The following RASIP1 variants were observed in gnomAD, a reference collection of about 807,000 sequenced individuals.
RASIP1 encodes the protein Ras interacting protein 1.
In RASIP1, 20 loss-of-function variants were observed where a neutral mutation model predicts 85.3. That is an observed-to-expected ratio of 0.23 (90% CI 0.17 to 0.34). RASIP1 has a LOEUF of 0.34. RASIP1 is among the 10% of genes least tolerant of loss of function. The probability of loss-of-function intolerance (pLI) is 1.00; values close to 1 mark genes in which losing one functional copy is unlikely to be tolerated. For missense variants in RASIP1, 1,170 were observed against 1,390.9 expected (o/e 0.84, Z 2.53); for synonymous variants, 617 against 647.1 (o/e 0.95, Z 0.71).
intron 4 of RASIP1, among the ~76,000 whole-genome samples, chr19:48,731,002 G>A (rs1032029947): frequency 6.6e-6 from 1 of 152,088 alleles, no homozygotes; most frequent in Non-Finnish European, 1.5e-5. Context: ...GGGCAACAGA[G>A]TGAGACTCAA....
chr19:48,720,665 CCGAAA>C lies in RASIP1; in HGVS notation c.*128_*132del. 4 of 1,025,074 alleles carry C rather than the reference CCGAAA, an allele frequency of 3.9e-6. No homozygotes were observed. Among genetic ancestry groups the C allele is most frequent in the Non-Finnish European group, 5.9e-6 (4 of 677,606 alleles). The allele number at this position is 1,025,074 out of a possible 1,614,324, so 63.5% of individuals were successfully genotyped here. A position where few individuals can be genotyped will look rare whatever the true frequency, so the allele number is the denominator to read the frequency against. On this transcript the variant is annotated 3_prime_UTR_variant, in exon 12 of 12. Transcript: ENST00000222145. ...CTCCCACCGTCCCATCCGCTACTTC[CCGAAA>C]ACTCAATCTCCCAACATTCCACGCG...
rs1253430615 is a variant in RASIP1 at position 48,724,037 on chromosome 19, G to T, written c.2544+300C>A. Among the ~76,000 whole-genome samples, 1 of 152,116 alleles carries T rather than the reference G, an allele frequency of 6.6e-6. No homozygotes were observed. Among genetic ancestry groups the T allele is most frequent in the African/African-American group, 2.4e-5 (1 of 41,422 alleles). ...TGGCCAGGCTGGTCTCAAACTCCTG[G>T]CCTCAAGTGATCCACCTACTTAGGC... On this transcript the variant is annotated intron_variant, in intron 10 of 11. Coordinates refer to ENST00000222145, the MANE Select transcript of RASIP1 (RefSeq NM_017805.3). This position sits in a 1 kb window ranked among gnomAD's most constrained non-coding sequence, Gnocchi z 4.6.
intron 3 of RASIP1, chr19:48,737,767 A>G (rs1413983012): frequency 1.0e-6 from 1 of 984,384 alleles, no homozygotes; most frequent in Admixed American, 6.2e-5. Context: ...GCGGGACCCA[A>G]CAGTTTTTGC....
chr19:48,726,819 C>T lies in RASIP1; in HGVS notation c.2093G>A (p.Cys698Tyr), dbSNP rs1231300769. 3.1e-6 allele frequency: 5 copies of T among 1,613,788 alleles called. No homozygotes were observed. The highest frequency in any genetic ancestry group is 4.2e-6 in the Non-Finnish European group (5 of 1,179,880). The part of the protein sequence containing the change: ...AMALLDEVIM[C>Y]TFQQSVYYLT... ...GTAGTAGACAGACTGCTGGAAGGTACACATGATGACCTCATCCAGGAGGGC... is the reference window on the plus strand; with the variant it reads ...GTAGTAGACAGACTGCTGGAAGGTATACATGATGACCTCATCCAGGAGGGC... Residue 698 changes from cysteine to tyrosine, a missense_variant, in exon 8 of 12, where the codon TGT becomes TAT. Cys to Tyr is a radical substitution (Grantham distance 194). Coordinates refer to ENST00000222145, the MANE Select transcript of RASIP1 (RefSeq NM_017805.3).
chr19:48,732,812 C>T (rs1459718778), intron 4 of RASIP1, among the ~76,000 whole-genome samples: 3 of 152,192 alleles, frequency 2.0e-5, no homozygotes, highest in Admixed American at 6.5e-5. Flanking sequence ...CTTACCTTCT[C>T]ACCCATATAC....
chr19:48,725,344 G>C (rs1340367901), intron 8 of RASIP1: 1 of 198,520 alleles, frequency 5.0e-6, no homozygotes, highest in Non-Finnish European at 1.0e-5. Flanking sequence ...TGGAAAATGA[G>C]ATCAGGCCAA....
intron 10 of RASIP1, among the ~76,000 whole-genome samples, chr19:48,723,852 G>A (rs936554895): frequency 7.2e-6 from 1 of 139,420 alleles, no homozygotes; most frequent in East Asian, 2.2e-4. Flanking sequence ...CTGTCGCCCC[G>A]GCTGGAGTGC....
intron 4 of RASIP1, among the ~76,000 whole-genome samples, chr19:48,731,691 T>C (rs1053598711): frequency 2.8e-4 from 42 of 152,214 alleles, no homozygotes; most frequent in African/African-American, 8.7e-4. Context: ...ATCCCCCTTC[T>C]ACACTAAATT....
At position 48,738,967 on chromosome 19, in the gene RASIP1, G is replaced by C. The variant is rs867521650; in HGVS notation, c.816C>G (p.Asp272Glu). The C allele has an allele frequency of 2.2e-5, 27 of 1,214,438 alleles. 1 individual carries two copies. The Middle Eastern group carries it at 2.3e-3, about 102-fold the overall frequency. 75.2% of individuals were successfully genotyped at this position (1,214,438 alleles called of 1,614,324 possible). ...RLEQEAFGAA[D>E]SEGTGAPSWR... is the part of the protein sequence containing the mutation. ...GCCCCGCCCGCCGCTCACCTTCGCT[G>C]TCCGCGGCCCCGAAGGCCTCCTGCT... is the stretch of plus-strand genomic sequence containing the variant. The change falls in exon 3 of 12, where the codon GAC (aspartate) becomes GAG (glutamate). Residue 272 changes from aspartate to glutamate, a missense_variant. Physicochemically the swap from Asp to Glu is conservative, Grantham distance 45. This residue lies in a region of RASIP1 where 301 missense variants were observed against 294.8 expected (regional missense o/e 1.02). Coordinates refer to ENST00000222145, the MANE Select transcript of RASIP1 (RefSeq NM_017805.3). The surrounding 1 kb of genome is among the most constrained non-coding windows in gnomAD (Gnocchi z 4.0).
At chr19:48,721,414 G>A (rs906811242) in intron 11 of RASIP1, among the ~76,000 whole-genome samples, 3 of 152,066 alleles carry the variant, frequency 2.0e-5, no homozygotes, top group Admixed American at 2.0e-4. Flanking sequence ...TCTTGACGGG[G>A]GAAGGGGCTG....
At position 48,724,990 on chromosome 19, in the gene RASIP1, A is replaced by G; in HGVS notation, c.2128-30T>C. 6.2e-7 allele frequency: 1 copy of G among 1,602,948 alleles called. No individual in the cohort carries two copies. On this transcript the variant is annotated intron_variant, in intron 8 of 11. Transcript: ENST00000222145. The surrounding 1 kb of genome is among the most constrained non-coding windows in gnomAD (Gnocchi z 4.6). ...GAAAATAGAGAAGTGGAAACAAGTGATTGGACTACAACTCCCAGGAAGCTT... is the reference window on the plus strand; with the variant it reads ...GAAAATAGAGAAGTGGAAACAAGTGGTTGGACTACAACTCCCAGGAAGCTT...
In RASIP1 at chr19:48,740,013, C is replaced by A; in HGVS notation, c.137+133G>T. 1.6e-6 allele frequency: 2 copies of A among 1,245,550 alleles called. No homozygotes were observed. The highest frequency in any genetic ancestry group is 3.2e-5 in the South Asian group (2 of 63,112). 77.2% of individuals were successfully genotyped at this position (1,245,550 alleles called of 1,614,324 possible). On this transcript the variant is annotated intron_variant, in intron 2 of 11. Transcript: ENST00000222145. This position sits in a 1 kb window ranked among gnomAD's most constrained non-coding sequence, Gnocchi z 5.5. Reference sequence around the variant, plus strand: ...TGGTATCACTGTGCCCCACCGTCTCCCCCTGCCCACCAGCTCGTTTGCCCA... The same window carrying A: ...TGGTATCACTGTGCCCCACCGTCTCACCCTGCCCACCAGCTCGTTTGCCCA...
chr19:48,720,680 C>T lies in RASIP1; in HGVS notation c.*118G>A. 2.5e-6 allele frequency: 3 copies of T among 1,184,068 alleles called. No individual in the cohort carries two copies. The highest frequency in any genetic ancestry group is 3.7e-6 in the Non-Finnish European group (3 of 816,134). 73.3% of individuals were successfully genotyped at this position (1,184,068 alleles called of 1,614,324 possible). ...CCGCTACTTCCCGAAAACTCAATCT[C>T]CCAACATTCCACGCGGGATAAGAAC... On this transcript the variant is annotated 3_prime_UTR_variant, in exon 12 of 12. Transcript: ENST00000222145.
rs781135835 is a variant in RASIP1, at chr19:48,735,202, G to A, written c.1173C>T (p.Asp391=). The A allele has an allele frequency of 4.4e-6, 7 of 1,607,480 alleles. No homozygotes were observed. The highest frequency in any genetic ancestry group is 6.0e-6 in the Non-Finnish European group (7 of 1,175,512). The change falls in exon 4 of 12, where the codon GAC becomes GAT. Residue 391 remains aspartate, a synonymous_variant. Coordinates refer to ENST00000222145, the MANE Select transcript of RASIP1 (RefSeq NM_017805.3). ...PYFLLLQGYQ[D]AQDFVVYVMT... ...GGGCTGGGGCGGCGGTTACCTGGGC[G>A]TCCTGGTAGCCCTGGAGCAGCAGGA...
At chr19:48,731,074 A>C (rs1448210473) in intron 4 of RASIP1, among the ~76,000 whole-genome samples, 1 of 152,150 alleles carries the variant, frequency 6.6e-6, no homozygotes, top group African/African-American at 2.4e-5. Context: ...AGGGAGTTCG[A>C]GACCAGCCTG....
Position 48,738,384 on chromosome 19 carries a change from T to G in RASIP1, c.823+576A>C, listed in dbSNP as rs2033609081. The G allele has an allele frequency of 6.6e-6, 1 of 152,262 alleles. No homozygotes were observed. The highest frequency in any genetic ancestry group is 6.5e-5 in the Admixed American group (1 of 15,278). 9.4% of individuals were successfully genotyped at this position (152,262 alleles called of 1,614,324 possible). A position where few individuals can be genotyped will look rare whatever the true frequency, so the allele number is the denominator to read the frequency against. On this transcript the variant is annotated intron_variant, in intron 3 of 11. Coordinates refer to ENST00000222145, the MANE Select transcript of RASIP1 (RefSeq NM_017805.3). This position sits in a 1 kb window ranked among gnomAD's most constrained non-coding sequence, Gnocchi z 4.0. The stretch of plus-strand genomic sequence containing the variant: ...CAGTTTAAGCCATTAAGCTGCAGGA[T>G]GTACACCTAACAGACCTCGCAGAAA...
intron 3 of RASIP1, among the ~76,000 whole-genome samples, chr19:48,736,187 G>A (rs1212820126): frequency 6.6e-6 from 1 of 151,062 alleles, no homozygotes; most frequent in Non-Finnish European, 1.5e-5. Flanking sequence ...AGGCTGAGGC[G>A]GGCGGATCAC....
At chr19:48,732,361 T>G (rs1316463363) in intron 4 of RASIP1, among the ~76,000 whole-genome samples, 1 of 151,794 alleles carries the variant, frequency 6.6e-6, no homozygotes, top group African/African-American at 2.4e-5. Context: ...GTTCCCGCCA[T>G]TCTCCTGCCT....
chr19:48,724,284 G>T lies in RASIP1; in HGVS notation c.2544+53C>A, dbSNP rs748174506. Reference sequence around the variant, plus strand: ...TGAGCTGAATATAGAAGGTGGCTGAGGGGGGTTGAGGAGTCAGAGGTCAGG... The same window carrying T: ...TGAGCTGAATATAGAAGGTGGCTGATGGGGGTTGAGGAGTCAGAGGTCAGG... On this transcript the variant is annotated intron_variant, in intron 10 of 11. Coordinates refer to ENST00000222145, the MANE Select transcript of RASIP1 (RefSeq NM_017805.3). This position sits in a 1 kb window ranked among gnomAD's most constrained non-coding sequence, Gnocchi z 4.6. 33 of 1,560,944 alleles carry T rather than the reference G, an allele frequency of 2.1e-5. No homozygotes were observed. The highest frequency in any genetic ancestry group is 2.9e-5 in the Non-Finnish European group (33 of 1,143,506).
Sources: allele counts gnomAD v4.1 joint callset (sites outside exome capture counted in the v4.1 genomes callset), GRCh38; gene constraint gnomAD v4.1.1; regional missense constraint gnomAD v4.1.1; non-coding constraint Gnocchi (gnomAD v3.1); transcripts MANE v1.5; gene names NCBI Gene and HGNC (gene_info 2026-07-23, HGNC 2026-07-21).